The following DOCK3 variants were observed in gnomAD, a reference collection of about 807,000 sequenced individuals.
DOCK3 encodes dedicator of cytokinesis protein 3.
In DOCK3, 60 loss-of-function variants were observed where a neutral mutation model predicts 265.6. The observed-to-expected ratio is 0.23, with a 90% CI of 0.18 to 0.28. The LOEUF is 0.28. Ranked by LOEUF, DOCK3 falls within the 10% of genes least tolerant of loss-of-function variation. The pLI is 1.00. For synonymous variants in DOCK3, 881 were observed against 938.0 expected (o/e 0.94, Z 1.11); for missense variants, 1,981 against 2,594.3 (o/e 0.76, Z 5.14).
intron 35 of DOCK3, among the ~76,000 whole-genome samples, chr3:51,337,279 C>T (rs1225759492): frequency 6.6e-6 from 1 of 152,082 alleles, no homozygotes; most frequent in Non-Finnish European, 1.5e-5. Context: ...AGAAGTCATC[C>T]CAAGGTTCTT....
At chr3:51,242,557 T>C (rs908939158) in intron 21 of DOCK3, among the ~76,000 whole-genome samples, 4 of 152,044 alleles carry the variant, frequency 2.6e-5, no homozygotes, top group Non-Finnish European at 4.4e-5. Flanking sequence ...ACTGGCAACT[T>C]TTGTGCAGTC....
chr3:51,070,304 A>G (rs2081804633), intron 6 of DOCK3, among the ~76,000 whole-genome samples: 1 of 152,202 alleles, frequency 6.6e-6, no homozygotes, highest in African/African-American at 2.4e-5. Context: ...TTTTACAACT[A>G]CTTGTAGCCA....
chr3:51,342,841 A>G (rs2085327609), intron 38 of DOCK3, among the ~76,000 whole-genome samples: 1 of 152,220 alleles, frequency 6.6e-6, no homozygotes. Flanking sequence ...CCACCTTCTC[A>G]GGAATCTCCT....
chr3:50,732,990 G>A (rs1447719265), intron 1 of DOCK3, among the ~76,000 whole-genome samples: 1 of 151,960 alleles, frequency 6.6e-6, no homozygotes, highest in African/African-American at 2.4e-5. Flanking sequence ...TTAAAGATGG[G>A]AGGCTGGTCT....
chr3:50,693,043 G>C (rs1239816024), intron 1 of DOCK3, among the ~76,000 whole-genome samples: 2 of 152,150 alleles, frequency 1.3e-5, no homozygotes, highest in Non-Finnish European at 2.9e-5. Flanking sequence ...CAATATATGT[G>C]AGGGTTTATT....
chr3:50,688,676 T>A (rs987991682), intron 1 of DOCK3, among the ~76,000 whole-genome samples: 1 of 152,208 alleles, frequency 6.6e-6, no homozygotes, highest in Non-Finnish European at 1.5e-5. Flanking sequence ...TTGGCTAGGC[T>A]GGTCTCAAAC....
intron 32 of DOCK3, among the ~76,000 whole-genome samples, chr3:51,328,462 C>G (rs924353756): frequency 6.6e-6 from 1 of 152,168 alleles, no homozygotes; most frequent in African/African-American, 2.4e-5. Flanking sequence ...AGGCAAGTTC[C>G]TGCTTATGCC....
At chr3:50,770,680 G>T (rs1576386418) in intron 1 of DOCK3, among the ~76,000 whole-genome samples, 1 of 152,130 alleles carries the variant, frequency 6.6e-6, no homozygotes, top group Non-Finnish European at 1.5e-5. Flanking sequence ...CGCATTACCT[G>T]ACTTCAGATT....
chr3:50,796,536 C>T (rs923997943), intron 2 of DOCK3, among the ~76,000 whole-genome samples: 1 of 151,712 alleles, frequency 6.6e-6, no homozygotes, highest in Non-Finnish European at 1.5e-5. Context: ...CGGTGTTTCT[C>T]CATGTTGGTC....
At chr3:51,020,311 G>A (rs1280220599) in intron 5 of DOCK3, among the ~76,000 whole-genome samples, 1 of 151,632 alleles carries the variant, frequency 6.6e-6, no homozygotes, top group African/African-American at 2.4e-5. Flanking sequence ...ACTTTTTAGT[G>A]GGGTTGTTTG....
intron 12 of DOCK3, among the ~76,000 whole-genome samples, chr3:51,198,040 T>G (rs2107947330): frequency 6.6e-6 from 1 of 152,318 alleles, no homozygotes; most frequent in South Asian, 2.1e-4. Context: ...GTAGGTATGC[T>G]TCCAGCATAC....
At chr3:50,730,302 C>T (rs955417107) in intron 1 of DOCK3, among the ~76,000 whole-genome samples, 2 of 151,866 alleles carry the variant, frequency 1.3e-5, no homozygotes, top group East Asian at 1.9e-4. Flanking sequence ...CCACCATGCC[C>T]AGTTAATTTT....
At chr3:51,014,542 A>G (rs2079078600) in intron 5 of DOCK3, among the ~76,000 whole-genome samples, 1 of 34,800 alleles carries the variant, frequency 2.9e-5, no homozygotes, top group African/African-American at 1.8e-4. Flanking sequence ...TGGTATACAA[A>G]CTCTTCATAA....
rs1423136662 is a variant in DOCK3 at position 50,745,101 on chromosome 3, T to C, written c.38-33574T>C. 2.6e-5 allele frequency among the ~76,000 whole-genome samples: 4 copies of C among 152,178 alleles called. No homozygotes were observed. The East Asian group carries it at 7.7e-4, about 29-fold the overall frequency. ...TTTTTCTCTCTGTAAAAAATGTCTT[T>C]GGGATTTTTTATTTTTATTAGTTTT... On this transcript the variant is annotated intron_variant, in intron 1 of 52. Coordinates refer to ENST00000266037, the MANE Select transcript of DOCK3 (RefSeq NM_004947.5).
intron 1 of DOCK3, among the ~76,000 whole-genome samples, chr3:50,740,598 T>C (rs896486438): frequency 5.3e-5 from 8 of 152,178 alleles, no homozygotes; most frequent in Non-Finnish European, 1.2e-4. Flanking sequence ...GTAGCTTTAA[T>C]TTGTATATTG....
At chr3:51,098,037 G>T (rs915169826) in intron 9 of DOCK3, among the ~76,000 whole-genome samples, 1 of 151,944 alleles carries the variant, frequency 6.6e-6, no homozygotes, top group African/African-American at 2.4e-5. Flanking sequence ...GGGAGCTGCA[G>T]ACCAGATCTG....
At chr3:50,923,651 A>C (rs1207914697) in intron 4 of DOCK3, among the ~76,000 whole-genome samples, 1 of 152,228 alleles carries the variant, frequency 6.6e-6, no homozygotes, top group Non-Finnish European at 1.5e-5. Flanking sequence ...AAATATATAC[A>C]TGACATAGCA....
At chr3:50,850,974 C>A (rs1575354620) in intron 3 of DOCK3, among the ~76,000 whole-genome samples, 1 of 151,600 alleles carries the variant, frequency 6.6e-6, no homozygotes, top group Non-Finnish European at 1.5e-5. Flanking sequence ...CTGCTCAGTC[C>A]CAGGGAAGTG....
intron 3 of DOCK3, among the ~76,000 whole-genome samples, chr3:50,872,831 C>T (rs1559751021): frequency 2.0e-5 from 3 of 152,208 alleles, no homozygotes; most frequent in Non-Finnish European, 4.4e-5. Context: ...CATCACAGGC[C>T]CACGGGGCCT....
Sources: allele counts gnomAD v4.1 joint callset (sites outside exome capture counted in the v4.1 genomes callset), GRCh38; gene constraint gnomAD v4.1.1; transcripts MANE v1.5; gene names NCBI Gene and HGNC (gene_info 2026-07-23, HGNC 2026-07-21).